Variants in YME1L1 observed in about 807,000 individuals in gnomAD.
YME1L1 encodes the protein ATP-dependent zinc metalloprotease YME1L1.
YME1L1 carries 39 observed loss-of-function variants against 90.4 expected under a neutral mutation model. That is an observed-to-expected ratio of 0.43 (90% confidence interval 0.33 to 0.56). The LOEUF (loss-of-function observed/expected upper bound fraction) is 0.56, where lower values mean the gene tolerates loss of function less well. Ranked by LOEUF, YME1L1 falls within the 20% of genes least tolerant of loss-of-function variation. YME1L1 has a pLI of 0.03. For missense variants in YME1L1, 617 were observed against 868.4 expected, an observed-to-expected ratio of 0.71 and a Z score of 3.64; for synonymous variants, 284 against 287.3, an observed-to-expected ratio of 0.99 and a Z score of 0.12.
At chr10:27,113,060 AAAT>A (rs1230512772) in intron 18 of YME1L1, among the ~76,000 whole-genome samples, 2 of 151,710 alleles carry the variant, frequency 1.3e-5, no homozygotes, top group Non-Finnish European at 2.9e-5. Flanking sequence ...TCTCTACAAA[AAAT>A]AACAAAATTA....
Position 27,134,896 on chromosome 10 carries a change from T to A in YME1L1, c.626A>T (p.Asp209Val). 2 of 1,614,104 alleles carry A rather than the reference T, an allele frequency of 1.2e-6. No homozygotes were observed. The highest frequency in any genetic ancestry group is 1.7e-6 in the Non-Finnish European group (2 of 1,180,020). ...KTKNIPEAHQ[D>V]AFKTGFAEGF... The stretch of plus-strand genomic sequence containing the variant: ...TTCCGCAAAACCAGTTTTAAATGCA[T>A]CTTGGTGAGCTTCAGGTATATTTTT... Residue 209 changes from aspartate to valine, a missense_variant, in exon 6 of 19, where the codon GAT becomes GTT. By Grantham distance (152) the Asp-to-Val change is radical. This residue lies in a region of YME1L1 where 311 missense variants were observed against 335.8 expected (regional missense o/e 0.93). Transcript: ENST00000376016.
intron 11 of YME1L1, among the ~76,000 whole-genome samples, chr10:27,121,801 A>G (rs1035561006): frequency 4.0e-5 from 6 of 150,700 alleles, no homozygotes; most frequent in Admixed American, 1.3e-4. Context: ...TTGGAGTTCA[A>G]TGGTGCTCAC....
chr10:27,113,660 A>G (rs1270642805), intron 18 of YME1L1, among the ~76,000 whole-genome samples: 2 of 151,020 alleles, frequency 1.3e-5, no homozygotes, highest in African/African-American at 4.9e-5. Flanking sequence ...CAACAAGAGC[A>G]GAACTCTGTC....
intron 10 of YME1L1, 44 bp from the exon 11 acceptor site, chr10:27,123,017 C>T (rs1349286912): frequency 6.3e-7 from 1 of 1,583,770 alleles, no homozygotes; most frequent in Non-Finnish European, 8.5e-7. Context: ...AGAAAGTCAA[C>T]ACTTTTGAAC....
rs781288296 is a variant in YME1L1 at position 27,110,169 on chromosome 10, T to C, written c.*1808A>G. On this transcript the variant is annotated 3_prime_UTR_variant, in exon 19 of 19. Coordinates refer to ENST00000376016, the MANE Select transcript of YME1L1 (RefSeq NM_014263.4). ...ATACCTCAACAAATATGTAAAAAAA[T>C]TTAAGACAGATAAGACTTTATCAAT... is the stretch of plus-strand genomic sequence containing the variant. 1 of 152,162 alleles carries C rather than the reference T, an allele frequency of 6.6e-6. No individual in the cohort carries two copies. Among genetic ancestry groups the C allele is most frequent in the Non-Finnish European group, 1.5e-5 (1 of 68,034 alleles). The allele number at this position is 152,162 out of a possible 1,614,324, so 9.4% of individuals were successfully genotyped here.
chr10:27,133,828 C>A (rs1240467870), intron 7 of YME1L1, among the ~76,000 whole-genome samples: 2 of 152,020 alleles, frequency 1.3e-5, no homozygotes. Flanking sequence ...TTTCCTTTCA[C>A]CCTGTTGACC....
intron 9 of YME1L1, among the ~76,000 whole-genome samples, chr10:27,124,496 T>C (rs1205810485): frequency 6.6e-6 from 1 of 152,212 alleles, no homozygotes; most frequent in African/African-American, 2.4e-5. Flanking sequence ...ACAAAACTTC[T>C]TTACATACAT....
chr10:27,113,672 CAA>C (rs373714641), intron 18 of YME1L1, among the ~76,000 whole-genome samples: 24 of 73,984 alleles, frequency 3.2e-4, no homozygotes, highest in Admixed American at 3.0e-4. Flanking sequence ...AACTCTGTCT[CAA>C]AAAAAAAAAA....
In YME1L1 at chr10:27,134,020, A is replaced by G; in HGVS notation, c.775+19T>C. ...TAAAGGAATAAGAAATAAGTTAGAC[A>G]AATAAAAAAAGCTTTTACCAGATAA... On this transcript the variant is annotated intron_variant, in intron 7 of 18. Coordinates refer to ENST00000376016, the MANE Select transcript of YME1L1 (RefSeq NM_014263.4). 1.3e-6 allele frequency: 2 copies of G among 1,549,444 alleles called. No homozygotes were observed.
chr10:27,142,587 T>A, intron 3 of YME1L1, 102 bp from the exon 4 acceptor site: 1 of 495,264 alleles, frequency 2.0e-6, no homozygotes, highest in Middle Eastern at 5.5e-4. Context: ...GAAATCACAA[T>A]ATGAGTTTCA....
Position 27,117,684 on chromosome 10 carries a change from G to T in YME1L1, c.1611C>A (p.Thr537=). ...GACCAGATTCATGATATGCTGTGAT[G>T]GTTTTGTTTTTGTTATCAATTTCCA... ...RSVEIDNKNK[T]ITAYHESGHA... The change falls in exon 15 of 19, where the codon ACC becomes ACA. Residue 537 remains threonine, a synonymous_variant. Coordinates refer to ENST00000376016, the MANE Select transcript of YME1L1 (RefSeq NM_014263.4). 7.4e-6 allele frequency: 12 copies of T among 1,614,024 alleles called. No homozygotes were observed. Among genetic ancestry groups the T allele is most frequent in the Non-Finnish European group, 1.0e-5 (12 of 1,179,988 alleles).
chr10:27,114,707 G>A (rs1451843956), intron 17 of YME1L1, 100 bp from the exon 18 acceptor site: 2 of 783,788 alleles, frequency 2.6e-6, no homozygotes, highest in East Asian at 5.6e-5. Flanking sequence ...ACAAATATAT[G>A]GGGGACAAGA....
intron 13 of YME1L1, among the ~76,000 whole-genome samples, chr10:27,119,821 C>CAA (rs34827143): frequency 7.5e-5 from 10 of 132,766 alleles, no homozygotes; most frequent in Non-Finnish European, 1.5e-4. Context: ...AAAAAAAAAC[C>CAA]AAAAAAAAAA....
At chr10:27,151,945 G>A (rs1252523944) in intron 1 of YME1L1, among the ~76,000 whole-genome samples, 2 of 151,780 alleles carry the variant, frequency 1.3e-5, no homozygotes, top group African/African-American at 2.4e-5. Context: ...AGAAAAAAAT[G>A]TGTGAAAGAA....
At chr10:27,133,964 T>C in intron 7 of YME1L1, 75 bp downstream of exon 7, 1 of 1,011,040 alleles carries the variant, frequency 9.9e-7, no homozygotes, top group Non-Finnish European at 1.5e-6. Flanking sequence ...TCTTTAAGGG[T>C]TAGATTAGGC....
chr10:27,111,913 GA>G lies in YME1L1; in HGVS notation c.*63del. 2.5e-6 allele frequency: 4 copies of G among 1,576,840 alleles called. No individual in the cohort carries two copies. The highest frequency in any genetic ancestry group is 2.6e-6 in the Non-Finnish European group (3 of 1,148,084). On this transcript the variant is annotated 3_prime_UTR_variant, in exon 19 of 19. Coordinates refer to ENST00000376016, the MANE Select transcript of YME1L1 (RefSeq NM_014263.4). Reference sequence around the variant, plus strand: ...ATGAGGGGAAAGCGTTGTAAAAGTAGACTACTGCAATGCTACTTGTATTCTT... The same window carrying G: ...ATGAGGGGAAAGCGTTGTAAAAGTAGCTACTGCAATGCTACTTGTATTCTT...
intron 7 of YME1L1, 89 bp from the exon 8 acceptor site, chr10:27,132,030 A>G: frequency 9.5e-7 from 1 of 1,054,518 alleles, no homozygotes; most frequent in Non-Finnish European, 1.4e-6. Context: ...CAAAGCCTAG[A>G]AAAATTAAAT....
Position 27,117,685 on chromosome 10 carries a change from G to A in YME1L1, c.1610C>T (p.Thr537Ile), listed in dbSNP as rs772339368. The change falls in exon 15 of 19, where the codon ACC (threonine) becomes ATC (isoleucine). Residue 537 changes from threonine (T) to isoleucine (I), a missense_variant. Thr to Ile is a moderately conservative substitution (Grantham distance 89). This residue lies in a region of YME1L1 where 212 missense variants were observed against 330.0 expected (regional missense o/e 0.64). Coordinates refer to ENST00000376016, the MANE Select transcript of YME1L1 (RefSeq NM_014263.4). ...RSVEIDNKNK[T>I]ITAYHESGHA... ...ACCAGATTCATGATATGCTGTGATG[G>A]TTTTGTTTTTGTTATCAATTTCCAC... The A allele has an allele frequency of 6.2e-7, 1 of 1,614,072 alleles. No individual in the cohort carries two copies. The highest frequency in any genetic ancestry group is 2.2e-5 in the East Asian group (1 of 44,864).
intron 18 of YME1L1, among the ~76,000 whole-genome samples, chr10:27,113,919 A>C (rs933664753): frequency 6.0e-5 from 9 of 149,016 alleles, no homozygotes; most frequent in African/African-American, 2.2e-4. Flanking sequence ...ATGCCACTAC[A>C]CTCTAGCCTG....
Sources: allele counts gnomAD v4.1 joint callset (sites outside exome capture counted in the v4.1 genomes callset), GRCh38; gene constraint gnomAD v4.1.1; regional missense constraint gnomAD v4.1.1; transcripts MANE v1.5; gene names NCBI Gene and HGNC (gene_info 2026-07-23, HGNC 2026-07-21).